Variants in FAM111B observed in about 807,000 individuals in gnomAD.
The protein encoded by FAM111B is serine protease FAM111B.
In FAM111B, 1 loss-of-function variant was observed where a neutral mutation model predicts 2.8. That is an observed-to-expected ratio of 0.36 (90% CI 0.13 to 1.70). The LOEUF is 1.70. Among genes scored for constraint, FAM111B ranks in the 40% most tolerant of loss-of-function variants. The pLI is 0.35. For missense variants in FAM111B, 882 were observed against 878.9 expected (o/e 1.00, Z -0.04); for synonymous variants, 297 against 295.6 (o/e 1.00, Z -0.05).
intron 3 of FAM111B, among the ~76,000 whole-genome samples, chr11:59,118,644 G>A (rs567333641): frequency 6.6e-6 from 1 of 152,018 alleles, no homozygotes; most frequent in South Asian, 2.1e-4. Context: ...TCTAGTCTTG[G>A]GAATTCATTC....
rs1324323595 is a variant in FAM111B, at chr11:59,125,190, A to G, written c.1093A>G (p.Arg365Gly). Residue 365 changes from arginine (R) to glycine (G), a missense_variant, in exon 4 of 4, where the codon AGA becomes GGA. Arg to Gly is a moderately radical substitution (Grantham distance 125). Transcript: ENST00000343597. Reference protein sequence around the residue: ...RKYRQINSQVRRRPHLGRRYA... With the variant: ...RKYRQINSQVGRRPHLGRRYA... ...ATATAGGCAAATAAACTCACAAGTT[A>G]GACGGAGGCCGCATCTGGGTAGGCG... 1 of 1,614,032 alleles carries G rather than the reference A, an allele frequency of 6.2e-7. No homozygotes were observed. Among genetic ancestry groups the G allele is most frequent in the Non-Finnish European group, 8.5e-7 (1 of 1,179,884 alleles).
chr11:59,109,424 T>G (rs964513959), intron 2 of FAM111B, 116 bp from the exon 3 acceptor site: 1 of 433,262 alleles, frequency 2.3e-6, no homozygotes, highest in Non-Finnish European at 4.2e-6. Flanking sequence ...TAAATAGCCA[T>G]AGGGCTTACC....
intron 3 of FAM111B, among the ~76,000 whole-genome samples, chr11:59,119,531 C>T (rs889134326): frequency 2.0e-5 from 3 of 152,124 alleles, no homozygotes; most frequent in Non-Finnish European, 2.9e-5. Flanking sequence ...AAAGTAGAAG[C>T]TCAGGATGCT....
At chr11:59,109,286 C>CT (rs1859717308) in intron 2 of FAM111B, among the ~76,000 whole-genome samples, 1 of 152,208 alleles carries the variant, frequency 6.6e-6, no homozygotes, top group Non-Finnish European at 1.5e-5. Context: ...CCCTAGTACT[C>CT]TGTCATACAA....
Position 59,125,676 on chromosome 11 carries a change from G to A in FAM111B, c.1579G>A (p.Asp527Asn), listed in dbSNP as rs1860014998. The A allele has an allele frequency of 1.2e-6, 2 of 1,613,762 alleles. No individual in the cohort carries two copies. The highest frequency in any genetic ancestry group is 1.3e-5 in the African/African-American group (1 of 74,896). Residue 527 changes from aspartate (D) to asparagine (N), a missense_variant, in exon 4 of 4, where the codon GAC (aspartate) becomes AAC (asparagine). By Grantham distance (23) the Asp-to-Asn change is conservative. Coordinates refer to ENST00000343597, the MANE Select transcript of FAM111B (RefSeq NM_198947.4). ...FTYTEFCPTPDNWFSIEPWLK... is the reference protein window; with the variant it reads ...FTYTEFCPTPNNWFSIEPWLK... ...TTATACAGAGTTCTGCCCTACTCCTGACAATTGGTTTTCCATTGAGCCATG... is the reference window on the plus strand; with the variant it reads ...TTATACAGAGTTCTGCCCTACTCCTAACAATTGGTTTTCCATTGAGCCATG...
intron 1 of FAM111B, among the ~76,000 whole-genome samples, chr11:59,108,232 T>C (rs1382730810): frequency 5.9e-5 from 9 of 152,136 alleles, no homozygotes; most frequent in Non-Finnish European, 7.4e-5. Flanking sequence ...AATGAGGAAA[T>C]GGGGATCCCT....
intron 3 of FAM111B, among the ~76,000 whole-genome samples, chr11:59,121,581 A>G (rs1048488354): frequency 6.6e-6 from 1 of 152,158 alleles, no homozygotes; most frequent in Admixed American, 6.5e-5. Flanking sequence ...TCTTTTTCTC[A>G]TTGCTCTCCT....
At position 59,125,751 on chromosome 11, in the gene FAM111B, GA is replaced by G; in HGVS notation, c.1658del (p.Asn553MetfsTer21). 2 of 1,613,712 alleles carry G rather than the reference GA, an allele frequency of 1.2e-6. No individual in the cohort carries two copies. The highest frequency in any genetic ancestry group is 1.7e-6 in the Non-Finnish European group (2 of 1,179,792). On this transcript the variant is annotated frameshift_variant, in exon 4 of 4. Transcript: ENST00000343597. LOFTEE classifies it low-confidence loss of function (END_TRUNC). The part of the protein sequence containing the change: ...NLDYAILKLK[E>X]NGNAFPPGLW... ...AGATTATGCCATTTTAAAACTAAAAGAAAATGGAAATGCGTTTCCTCCAGGA... is the reference window on the plus strand; with the variant it reads ...AGATTATGCCATTTTAAAACTAAAAGAAATGGAAATGCGTTTCCTCCAGGA...
chr11:59,119,427 T>G (rs1328674399), intron 3 of FAM111B, among the ~76,000 whole-genome samples: 1 of 152,224 alleles, frequency 6.6e-6, no homozygotes, highest in Non-Finnish European at 1.5e-5. Context: ...TGACTAATGC[T>G]CAATGTCTTG....
chr11:59,120,752 C>G (rs1859908275), intron 3 of FAM111B, among the ~76,000 whole-genome samples: 1 of 152,166 alleles, frequency 6.6e-6, no homozygotes, highest in Non-Finnish European at 1.5e-5. Flanking sequence ...GAGGCCCATC[C>G]TACTGCAGTG....
At position 59,125,793 on chromosome 11, in the gene FAM111B, T is replaced by G; in HGVS notation, c.1696T>G (p.Ser566Ala). The G allele has an allele frequency of 6.2e-7, 1 of 1,613,904 alleles. No homozygotes were observed. Among genetic ancestry groups the G allele is most frequent in the Non-Finnish European group, 8.5e-7 (1 of 1,179,852 alleles). Residue 566 changes from serine to alanine, a missense_variant, in exon 4 of 4, where the codon TCT becomes GCT. Physicochemically the swap from Ser to Ala is moderately conservative, Grantham distance 99. Coordinates refer to ENST00000343597, the MANE Select transcript of FAM111B (RefSeq NM_198947.4). The part of the protein sequence containing the change: ...AFPPGLWRQI[S>A]PQPSTGLIYL... ...TCCTCCAGGACTATGGCGACAGATTTCTCCTCAACCATCTACTGGTTTGAT... is the reference window on the plus strand; with the variant it reads ...TCCTCCAGGACTATGGCGACAGATTGCTCCTCAACCATCTACTGGTTTGAT...
Position 59,125,899 on chromosome 11 carries a change from A to C in FAM111B, c.1802A>C (p.Lys601Thr). 6.2e-7 allele frequency: 1 copy of C among 1,613,910 alleles called. No homozygotes were observed. ...ATTCCTCTAAACGAACGATTGAAAA[A>C]ATATCCAAACGATTGTCAAGATGGG... ...TVIPLNERLK[K>T]YPNDCQDGLV... Residue 601 changes from lysine to threonine, a missense_variant, in exon 4 of 4, where the codon AAA (lysine) becomes ACA (threonine). By Grantham distance (78) the Lys-to-Thr change is moderately conservative. Transcript: ENST00000343597.
In FAM111B at chr11:59,126,093, A is replaced by G; in HGVS notation, c.1996A>G (p.Thr666Ala). The G allele has an allele frequency of 6.2e-7, 1 of 1,613,506 alleles. No homozygotes were observed. The change falls in exon 4 of 4, where the codon ACC becomes GCC. Residue 666 changes from threonine to alanine, a missense_variant. Transcript: ENST00000343597. ...NASGKLVALH[T>A]FGLFYQRGFN... Reference sequence around the variant, plus strand: ...ATCTGGCAAATTGGTTGCTTTGCATACCTTTGGGCTTTTTTATCAACGAGG... The same window carrying G: ...ATCTGGCAAATTGGTTGCTTTGCATGCCTTTGGGCTTTTTTATCAACGAGG...
At chr11:59,123,437 A>C (rs1859954224) in intron 3 of FAM111B, among the ~76,000 whole-genome samples, 1 of 152,202 alleles carries the variant, frequency 6.6e-6, no homozygotes, top group Non-Finnish European at 1.5e-5. Flanking sequence ...ATTCTCTGGA[A>C]GGCAGTTAGG....
In FAM111B at chr11:59,126,780, T is replaced by C. The variant is rs1938589; in HGVS notation, c.*478T>C. ...GGTTGCAGAGAAAGGGGAATGCTTA[T>C]ACACTGCTAGTGGGAAAATAAATTA... On this transcript the variant is annotated 3_prime_UTR_variant, in exon 4 of 4. Coordinates refer to ENST00000343597, the MANE Select transcript of FAM111B (RefSeq NM_198947.4). 38,704 of 158,086 alleles carry C rather than the reference T, an allele frequency of 0.24. 5,012 individuals are homozygous for C. Among genetic ancestry groups the C allele is most frequent in the African/African-American group, 0.34 (13,923 of 41,502 alleles). 9.8% of individuals were successfully genotyped at this position (158,086 alleles called of 1,614,324 possible). A position where few individuals can be genotyped will look rare whatever the true frequency, so the allele number is the denominator to read the frequency against.
At chr11:59,116,929 C>T (rs1013965316) in intron 3 of FAM111B, among the ~76,000 whole-genome samples, 1 of 152,214 alleles carries the variant, frequency 6.6e-6, no homozygotes, top group Non-Finnish European at 1.5e-5. Context: ...CCCTTCTGGA[C>T]CTGGGCATCC....
intron 1 of FAM111B, among the ~76,000 whole-genome samples, chr11:59,108,177 C>T (rs1859695729): frequency 6.6e-6 from 1 of 152,184 alleles, no homozygotes; most frequent in Admixed American, 6.5e-5. Flanking sequence ...AACCAATTCA[C>T]ACGAACAATA....
intron 3 of FAM111B, among the ~76,000 whole-genome samples, chr11:59,122,361 A>G (rs1859936605): frequency 3.9e-5 from 6 of 152,210 alleles, no homozygotes; most frequent in Admixed American, 3.9e-4. Context: ...AGAAAGGAAG[A>G]TAAGATGAAG....
chr11:59,109,479 AC>A (rs1859723090), intron 2 of FAM111B, 60 bp from the exon 3 acceptor site: 1 of 546,988 alleles, frequency 1.8e-6, no homozygotes, highest in African/African-American at 1.9e-5. Context: ...GTCCCACACC[AC>A]CTGATCTCCA....
Sources: allele counts gnomAD v4.1 joint callset (sites outside exome capture counted in the v4.1 genomes callset), GRCh38; gene constraint gnomAD v4.1.1; transcripts MANE v1.5; gene names NCBI Gene and HGNC (gene_info 2026-07-23, HGNC 2026-07-21).